Variants in TXNL1 observed in about 807,000 individuals in gnomAD.
TXNL1 encodes thioredoxin-like protein 1.
A neutral mutation model predicts 35.5 loss-of-function variants in TXNL1; 14 were observed. The observed-to-expected ratio is 0.39, with a 90% CI of 0.26 to 0.62. TXNL1 has a LOEUF of 0.62. Ranked by LOEUF, TXNL1 falls within the 20% of genes least tolerant of loss-of-function variation. The probability of loss-of-function intolerance (pLI) is 0.47; values close to 1 mark genes in which losing one functional copy is unlikely to be tolerated. For synonymous variants in TXNL1, 110 were observed against 115.5 expected, an observed-to-expected ratio of 0.95 and a Z score of 0.31; for missense variants, 263 against 349.7, an observed-to-expected ratio of 0.75 and a Z score of 1.98.
Position 56,619,963 on chromosome 18 carries a change from G to GTTA in TXNL1, c.370-1840_370-1838dup, listed in dbSNP as rs549715712. Among the ~76,000 whole-genome samples the GTTA allele has an allele frequency of 3.0e-3, 454 of 151,832 alleles. 5 individuals are homozygous for GTTA. In the East Asian group the frequency reaches 0.038, roughly 13 times the overall value. On this transcript the variant is annotated intron_variant, in intron 3 of 7. Coordinates refer to ENST00000217515, the MANE Select transcript of TXNL1 (RefSeq NM_004786.3). ...ACATGCTTTAAAAAAACTCAATTTT[G>GTTA]TTATTATTATTATTATTATTTTTTT...
intron 3 of TXNL1, among the ~76,000 whole-genome samples, chr18:56,618,847 T>C (rs2024132953): frequency 6.6e-6 from 1 of 152,098 alleles, no homozygotes; most frequent in South Asian, 2.1e-4. Flanking sequence ...CACTGTCTCA[T>C]AAATATTTCA....
intron 6 of TXNL1, among the ~76,000 whole-genome samples, chr18:56,611,742 G>A (rs1383087509): frequency 6.6e-6 from 1 of 151,598 alleles, no homozygotes; most frequent in Non-Finnish European, 1.5e-5. Context: ...TGCCCAGGCT[G>A]GAGTGCAATG....
chr18:56,607,255 T>C (rs910177620), intron 7 of TXNL1, among the ~76,000 whole-genome samples: 3 of 151,020 alleles, frequency 2.0e-5, no homozygotes, highest in Non-Finnish European at 4.4e-5. Context: ...TGGGCTCAAG[T>C]GATCTTCCCA....
At chr18:56,616,429 A>G (rs1279557938) in intron 4 of TXNL1, 115 bp from the exon 5 acceptor site, 3 of 848,058 alleles carry the variant, frequency 3.5e-6, no homozygotes, top group Admixed American at 2.8e-5. Flanking sequence ...TAATTCATCG[A>G]ACAAAACCAA....
chr18:56,626,903 C>T (rs1391741404), intron 1 of TXNL1, among the ~76,000 whole-genome samples: 1 of 145,142 alleles, frequency 6.9e-6, no homozygotes, highest in Non-Finnish European at 1.5e-5. Context: ...CTTCCAGGCT[C>T]AAGCAATCCT....
intron 3 of TXNL1, among the ~76,000 whole-genome samples, chr18:56,621,221 T>C (rs1387356999): frequency 7.0e-6 from 1 of 143,146 alleles, no homozygotes; most frequent in African/African-American, 2.5e-5. Context: ...TTTTTTTTTT[T>C]TGAAACAAAG....
At chr18:56,616,402 G>GA (rs893835455) in intron 4 of TXNL1, 88 bp from the exon 5 acceptor site, 29,791 of 1,003,110 alleles carry the variant, frequency 0.03, no homozygotes, top group South Asian at 0.044. Context: ...TAACAGGCAA[G>GA]AAAAAAAAAA....
At chr18:56,615,662 G>A (rs1267141772) in intron 5 of TXNL1, among the ~76,000 whole-genome samples, 5 of 151,966 alleles carry the variant, frequency 3.3e-5, no homozygotes, top group African/African-American at 7.2e-5. Context: ...TCTAAAATAC[G>A]GCTGCTCAAA....
chr18:56,608,961 A>G (rs1481189722), intron 7 of TXNL1: 1 of 151,844 alleles, frequency 6.6e-6, no homozygotes, highest in East Asian at 1.9e-4. Context: ...AAAAAAAAAA[A>G]AAAATCATAA....
At chr18:56,616,152 AAC>A in intron 5 of TXNL1, 91 bp downstream of exon 5, 1 of 1,176,408 alleles carries the variant, frequency 8.5e-7, no homozygotes, top group South Asian at 1.5e-5. Context: ...AAAAAGAAAA[AAC>A]AAGTACCTCT....
rs770497275 is a variant in TXNL1 at position 56,616,288 on chromosome 18, T to C, written c.519A>G (p.Gln173=). The part of the protein sequence containing the change: ...EQLLITVAFN[Q]PVKLYSMKFQ... Reference sequence around the variant, plus strand: ...ATTTCATGGAATAAAGCTTAACAGGTTGATTGAATGCCACAGTAATAAGCA... The same window carrying C: ...ATTTCATGGAATAAAGCTTAACAGGCTGATTGAATGCCACAGTAATAAGCA... Residue 173 remains glutamine, a synonymous_variant, in exon 5 of 8, where the codon CAA becomes CAG. Coordinates refer to ENST00000217515, the MANE Select transcript of TXNL1 (RefSeq NM_004786.3). 6.2e-7 allele frequency: 1 copy of C among 1,613,664 alleles called. No individual in the cohort carries two copies. The highest frequency in any genetic ancestry group is 8.5e-7 in the Non-Finnish European group (1 of 1,179,864).
intron 4 of TXNL1, among the ~76,000 whole-genome samples, chr18:56,617,462 G>A (rs1294044921): frequency 1.3e-5 from 2 of 152,182 alleles, no homozygotes; most frequent in Non-Finnish European, 2.9e-5. Flanking sequence ...GAACTGGAAT[G>A]GGACAAATCA....
In TXNL1 at chr18:56,602,476, G is replaced by C. The variant is rs2023823242; in HGVS notation, c.*551C>G. The C allele has an allele frequency of 6.6e-6, 1 of 151,292 alleles. No homozygotes were observed. Among genetic ancestry groups the C allele is most frequent in the African/African-American group, 2.4e-5 (1 of 41,074 alleles). 9.4% of individuals were successfully genotyped at this position (151,292 alleles called of 1,614,324 possible). ...GATATATACCAAGAAAGAATCTGTG[G>C]ACCCATTAGCTAAGTTTTAGGTAAG... On this transcript the variant is annotated 3_prime_UTR_variant, in exon 8 of 8. Coordinates refer to ENST00000217515, the MANE Select transcript of TXNL1 (RefSeq NM_004786.3).
chr18:56,619,537 C>CA (rs71169375), intron 3 of TXNL1, among the ~76,000 whole-genome samples: 179 of 81,982 alleles, frequency 2.2e-3, no homozygotes, highest in Middle Eastern at 0.012. Context: ...ACTCTGTCTC[C>CA]AAAAAAAAAA....
intron 6 of TXNL1, among the ~76,000 whole-genome samples, chr18:56,612,364 A>G (rs2024010486): frequency 1.3e-5 from 2 of 151,124 alleles, no homozygotes; most frequent in South Asian, 2.1e-4. Context: ...ATCAGCTCCT[A>G]AAACAATACT....
chr18:56,625,097 A>G (rs180777105), intron 2 of TXNL1, among the ~76,000 whole-genome samples: 129 of 152,298 alleles, frequency 8.5e-4, no homozygotes, highest in Admixed American at 2.4e-3. Context: ...ACAAGTATAA[A>G]GGAAACAGTA....
At chr18:56,605,133 A>G (rs1336474438) in intron 7 of TXNL1, 1 of 152,170 alleles carries the variant, frequency 6.6e-6, no homozygotes, top group African/African-American at 2.4e-5. Context: ...AAGGCCAATT[A>G]AGAAACACAA....
chr18:56,614,006 A>T (rs116197802), intron 6 of TXNL1, among the ~76,000 whole-genome samples: 4,199 of 152,256 alleles, frequency 0.028, 195 homozygotes, highest in African/African-American at 0.094. Flanking sequence ...ATCTCAAAAA[A>T]AAATAAATAA....
At chr18:56,632,627 G>A (rs965490969) in intron 1 of TXNL1, among the ~76,000 whole-genome samples, 1 of 152,186 alleles carries the variant, frequency 6.6e-6, no homozygotes, top group Admixed American at 6.5e-5. Context: ...ACTCTTGAAA[G>A]GTAGCCAGAC....
Sources: gnomAD v4.1 joint callset for allele counts (sites outside exome capture counted in the v4.1 genomes callset) on GRCh38, gnomAD v4.1.1 for gene constraint, MANE v1.5 for transcripts, NCBI Gene and HGNC (gene_info 2026-07-23, HGNC 2026-07-21) for gene names.